XKR7: variants seen among roughly 807,000 people sequenced by gnomAD.
XKR7 encodes XK-related protein 7.
XKR7 carries 11 observed loss-of-function variants against 42.2 expected under a neutral mutation model. That is an observed-to-expected ratio of 0.26 (90% CI 0.16 to 0.43). XKR7 has a LOEUF of 0.43. Ranked by LOEUF, XKR7 falls within the 20% of genes least tolerant of loss-of-function variation. The pLI is 1.00. For synonymous variants in XKR7, 346 were observed against 366.4 expected, an observed-to-expected ratio of 0.94 and a Z score of 0.64; for missense variants, 710 against 802.2, an observed-to-expected ratio of 0.89 and a Z score of 1.39.
chr20:31,973,255 G>C (rs935425552), intron 1 of XKR7, among the ~76,000 whole-genome samples: 1 of 152,150 alleles, frequency 6.6e-6, no homozygotes, highest in Non-Finnish European at 1.5e-5. Flanking sequence ...GAAGTCCCTT[G>C]AAGCCATAAT....
chr20:31,996,452 A>AC, intron 2 of XKR7, 53 bp from the exon 3 acceptor site: 3 of 148,456 alleles, frequency 2.0e-5, no homozygotes, highest in South Asian at 1.4e-4. Flanking sequence ...CCCAGACCCC[A>AC]ACCCGAGCCC....
intron 1 of XKR7, among the ~76,000 whole-genome samples, chr20:31,978,237 C>T (rs2064494769): frequency 6.6e-6 from 1 of 152,162 alleles, no homozygotes; most frequent in Non-Finnish European, 1.5e-5. Flanking sequence ...TCCTGAGTAG[C>T]TAGGACTACA....
intron 1 of XKR7, among the ~76,000 whole-genome samples, chr20:31,973,265 T>A (rs2064472206): frequency 6.6e-6 from 1 of 152,212 alleles, no homozygotes; most frequent in African/African-American, 2.4e-5. Context: ...GAAGCCATAA[T>A]GACATGGCAG....
intron 1 of XKR7, among the ~76,000 whole-genome samples, chr20:31,977,773 G>A (rs1163435196): frequency 1.3e-5 from 2 of 152,146 alleles, no homozygotes; most frequent in Admixed American, 1.3e-4. Context: ...AGTAAAGGGA[G>A]GCACAGTCTT....
At chr20:31,975,809 A>T (rs370607431) in intron 1 of XKR7, among the ~76,000 whole-genome samples, 114 of 152,320 alleles carry the variant, frequency 7.5e-4, no homozygotes, top group African/African-American at 2.7e-3. Flanking sequence ...TAGCTAAAAA[A>T]ATGCATGTAT....
rs1184244263 is a variant in XKR7 at position 31,996,068 on chromosome 20, T to G, written c.788-437T>G. On this transcript the variant is annotated intron_variant, in intron 2 of 2. Transcript: ENST00000562532. ...GCTCAGCTCTAGATATTCCTCTCCA[T>G]GCCCGGCCTCCTCCTGGTGGCCCAC... 4.6e-5 allele frequency among the ~76,000 whole-genome samples: 7 copies of G among 151,632 alleles called. No homozygotes were observed. The East Asian group carries it at 1.4e-3, about 30-fold the overall frequency.
chr20:31,988,778 C>A (rs572133738), intron 1 of XKR7, among the ~76,000 whole-genome samples: 3 of 152,242 alleles, frequency 2.0e-5, no homozygotes, highest in Admixed American at 6.5e-5. Flanking sequence ...TCAGAGAGGG[C>A]TTCCTGTAGG....
chr20:31,993,088 C>CCACA (rs374683030), intron 1 of XKR7, among the ~76,000 whole-genome samples: 223 of 147,408 alleles, frequency 1.5e-3, no homozygotes, highest in African/African-American at 2.8e-3. Context: ...GGTTCCCCCT[C>CCACA]CACACACACA....
chr20:31,993,111 C>CATACACAT (rs1555861849), intron 1 of XKR7, among the ~76,000 whole-genome samples: 2 of 150,580 alleles, frequency 1.3e-5, no homozygotes, highest in African/African-American at 4.9e-5. Flanking sequence ...CACACACACA[C>CATACACAT]ACACATACAC....
chr20:31,969,385 G>A (rs2064453740), intron 1 of XKR7, among the ~76,000 whole-genome samples: 1 of 152,192 alleles, frequency 6.6e-6, no homozygotes, highest in Non-Finnish European at 1.5e-5. Flanking sequence ...TTCCAACAGG[G>A]CCAAGGGGAT....
intron 1 of XKR7, among the ~76,000 whole-genome samples, chr20:31,975,884 A>G (rs901590957): frequency 9.8e-5 from 15 of 152,354 alleles, no homozygotes; most frequent in African/African-American, 2.6e-4. Flanking sequence ...GTTTATTAAG[A>G]CTTAGATTCG....
rs1306348698 is a variant in XKR7 at position 31,995,356 on chromosome 20, G to A, written c.787+86G>A. Reference sequence around the variant, plus strand: ...TCAGGCTCCCTGGGGATGCCCTGTGGGCTTCCCCACCCCAGCTCAGGGCTC... The same window carrying A: ...TCAGGCTCCCTGGGGATGCCCTGTGAGCTTCCCCACCCCAGCTCAGGGCTC... On this transcript the variant is annotated intron_variant, in intron 2 of 2. Coordinates refer to ENST00000562532, the MANE Select transcript of XKR7 (RefSeq NM_001011718.2). This position sits in a 1 kb window ranked among gnomAD's most constrained non-coding sequence, Gnocchi z 4.1. The A allele has an allele frequency of 1.8e-5, 27 of 1,521,042 alleles. No individual in the cohort carries two copies. The highest frequency in any genetic ancestry group is 2.3e-5 in the Non-Finnish European group (26 of 1,142,526). 94.2% of individuals were successfully genotyped at this position (1,521,042 alleles called of 1,614,324 possible).
intron 1 of XKR7, among the ~76,000 whole-genome samples, chr20:31,973,266 G>A (rs577942307): frequency 6.6e-6 from 1 of 152,284 alleles, no homozygotes; most frequent in Non-Finnish European, 1.5e-5. Flanking sequence ...AAGCCATAAT[G>A]ACATGGCAGT....
Position 31,995,326 on chromosome 20 carries a change from C to T in XKR7, c.787+56C>T. On this transcript the variant is annotated intron_variant, in intron 2 of 2. Coordinates refer to ENST00000562532, the MANE Select transcript of XKR7 (RefSeq NM_001011718.2). The surrounding 1 kb of genome is among the most constrained non-coding windows in gnomAD (Gnocchi z 4.1). ...GGACCACCCCACCGGGCCTTTCTCC[C>T]TGCTTCAGGCTCCCTGGGGATGCCC... 1 of 1,530,490 alleles carries T rather than the reference C, an allele frequency of 6.5e-7. No homozygotes were observed. The highest frequency in any genetic ancestry group is 1.4e-5 in the African/African-American group (1 of 72,576). 94.8% of individuals were successfully genotyped at this position (1,530,490 alleles called of 1,614,324 possible).
intron 1 of XKR7, among the ~76,000 whole-genome samples, chr20:31,983,724 A>G (rs1371186159): frequency 6.6e-6 from 1 of 152,158 alleles, no homozygotes; most frequent in East Asian, 1.9e-4. Flanking sequence ...AGGCAGGCGG[A>G]TCACCTGAGG....
At chr20:31,973,509 A>G (rs1431183005) in intron 1 of XKR7, among the ~76,000 whole-genome samples, 1 of 152,140 alleles carries the variant, frequency 6.6e-6, no homozygotes, top group African/African-American at 2.4e-5. Flanking sequence ...AAAAAAATGA[A>G]ACAGGGCAGG....
chr20:31,968,228 G>C lies in XKR7; in HGVS notation c.53G>C (p.Gly18Ala), dbSNP rs2064443567. The change falls in exon 1 of 3, where the codon GGG becomes GCG. Residue 18 changes from glycine (G) to alanine (A), a missense_variant. This residue lies in a region of XKR7 where 708 missense variants were observed against 786.2 expected (regional missense o/e 0.90). Transcript: ENST00000562532. The surrounding 1 kb of genome is among the most constrained non-coding windows in gnomAD (Gnocchi z 4.5). ...AAASASPDPEGAAGGARGSAG... is the reference protein window; with the variant it reads ...AAASASPDPEAAAGGARGSAG... ...GCCTCGGCCAGCCCGGACCCGGAGG[G>C]GGCTGCCGGTGGAGCCCGGGGCAGT... 1.4e-5 allele frequency: 16 copies of C among 1,156,180 alleles called. No individual in the cohort carries two copies. The South Asian group carries it at 5.9e-4, about 43-fold the overall frequency. The allele number at this position is 1,156,180 out of a possible 1,614,324, so 71.6% of individuals were successfully genotyped here.
At chr20:31,994,886 T>C (rs2064583704) in intron 1 of XKR7, among the ~76,000 whole-genome samples, 182 bp from the exon 2 acceptor site, 1 of 152,206 alleles carries the variant, frequency 6.6e-6, no homozygotes, top group South Asian at 2.1e-4. Context: ...AATGAGTCCA[T>C]TCAGTGCTCC....
At chr20:31,983,969 A>G (rs1353984658) in intron 1 of XKR7, among the ~76,000 whole-genome samples, 1 of 150,056 alleles carries the variant, frequency 6.7e-6, no homozygotes, top group African/African-American at 2.5e-5. Context: ...AAATAAATAA[A>G]TAAATAAATA....
Sources: allele counts gnomAD v4.1 joint callset (sites outside exome capture counted in the v4.1 genomes callset), GRCh38; gene constraint gnomAD v4.1.1; regional missense constraint gnomAD v4.1.1; non-coding constraint Gnocchi (gnomAD v3.1); transcripts MANE v1.5; gene names NCBI Gene and HGNC (gene_info 2026-07-23, HGNC 2026-07-21).